Variants in EPB41L3 observed in about 807,000 individuals in gnomAD.
EPB41L3 encodes band 4.1-like protein 3.
Under a neutral mutation model 127.1 loss-of-function variants are expected in EPB41L3, and 57 were observed. The ratio of observed to expected loss-of-function variants is 0.45; its 90% CI spans 0.36 to 0.56. The LOEUF is 0.56. EPB41L3 is among the 20% of genes least tolerant of loss of function. The probability of loss-of-function intolerance (pLI) is 0.00; values close to 1 mark genes in which losing one functional copy is unlikely to be tolerated. For synonymous variants in EPB41L3, 572 were observed against 549.5 expected, an observed-to-expected ratio of 1.04 and a Z score of -0.57; for missense variants, 1,273 against 1,372.2, an observed-to-expected ratio of 0.93 and a Z score of 1.14.
intron 3 of EPB41L3, among the ~76,000 whole-genome samples, chr18:5,450,050 G>A (rs2082074237): frequency 6.6e-6 from 1 of 152,088 alleles, no homozygotes; most frequent in Non-Finnish European, 1.5e-5. Context: ...TGAAACCGTG[G>A]AAAACAGAAT....
At chr18:5,548,295 T>G (rs1312119882), upstream of EPB41L3, among the ~76,000 whole-genome samples, 1 of 152,242 alleles carries the variant, frequency 6.6e-6, no homozygotes, top group Non-Finnish European at 1.5e-5. Context: ...AGAATAGCTT[T>G]AAGTTTACAG....
chr18:5,477,429 G>A (rs575961012), intron 3 of EPB41L3, among the ~76,000 whole-genome samples: 1 of 152,290 alleles, frequency 6.6e-6, no homozygotes, highest in African/African-American at 2.4e-5. Flanking sequence ...TATGACAAGG[G>A]CAGGAGCTGG....
chr18:5,465,320 T>G (rs2084764173), intron 3 of EPB41L3, among the ~76,000 whole-genome samples: 1 of 152,172 alleles, frequency 6.6e-6, no homozygotes, highest in Non-Finnish European at 1.5e-5. Flanking sequence ...AAAACACAAA[T>G]ACTATTCTTT....
intron 1 of EPB41L3, among the ~76,000 whole-genome samples, chr18:5,505,802 C>CT: frequency 7.6e-6 from 1 of 131,334 alleles, no homozygotes; most frequent in East Asian, 2.5e-4. Context: ...ACCTTCACCT[C>CT]CACCCCTTCC....
chr18:5,613,294 C>T (rs766929794), intron 2 of EPB41L3, among the ~76,000 whole-genome samples: 3 of 152,090 alleles, frequency 2.0e-5, no homozygotes, highest in Non-Finnish European at 4.4e-5. Flanking sequence ...AAAAATGATG[C>T]CCATAAAAGA....
chr18:5,442,344 T>C (rs1044919818), intron 5 of EPB41L3, among the ~76,000 whole-genome samples: 15 of 152,308 alleles, frequency 9.8e-5, no homozygotes, highest in African/African-American at 1.2e-4. Context: ...TTCTGGGTAG[T>C]GGATACATCA....
intron 3 of EPB41L3, among the ~76,000 whole-genome samples, chr18:5,572,641 G>A (rs1470360414): frequency 1.2e-4 from 19 of 152,172 alleles, no homozygotes; most frequent in Admixed American, 8.5e-4. Context: ...TGGTGTCATC[G>A]TGGCTCACCG....
intron 2 of EPB41L3, among the ~76,000 whole-genome samples, chr18:5,484,187 G>A (rs974000158): frequency 8.0e-5 from 10 of 124,760 alleles, no homozygotes; most frequent in Non-Finnish European, 1.7e-4. Flanking sequence ...AAATCAGTAA[G>A]AGGAACCTCA....
chr18:5,410,643 G>A, intron 13 of EPB41L3, 24 bp from the exon 14 acceptor site: 1 of 1,606,926 alleles, frequency 6.2e-7, no homozygotes, highest in Admixed American at 1.7e-5. Context: ...AAGTGATCAG[G>A]TTCCAGGAGG....
At chr18:5,488,607 A>ATAATAATAATAATAATAAT (rs2090180215) in intron 2 of EPB41L3, among the ~76,000 whole-genome samples, 1 of 151,826 alleles carries the variant, frequency 6.6e-6, no homozygotes, top group Non-Finnish European at 1.5e-5. Flanking sequence ...AATAATAATA[A>ATAATAATAATAATAATAAT]AAGCAGATCT....
At chr18:5,481,824 A>T (rs888567780) in intron 2 of EPB41L3, among the ~76,000 whole-genome samples, 10 of 152,202 alleles carry the variant, frequency 6.6e-5, no homozygotes, top group Non-Finnish European at 1.2e-4. Context: ...CGCTTACGAG[A>T]GCCAAGGTGA....
At chr18:5,431,955 T>C (rs2079063315) in intron 8 of EPB41L3, among the ~76,000 whole-genome samples, 2 of 152,180 alleles carry the variant, frequency 1.3e-5, no homozygotes, top group Admixed American at 1.3e-4. Context: ...CCTGCTGTTG[T>C]AATTATACAC....
intron 3 of EPB41L3, among the ~76,000 whole-genome samples, chr18:5,564,831 G>A (rs1313891324): frequency 2.6e-5 from 4 of 152,062 alleles, no homozygotes; most frequent in Non-Finnish European, 5.9e-5. Context: ...GCTCGATGAA[G>A]GCTTGTGTAT....
chr18:5,627,045 T>C (rs900169508), intron 1 of EPB41L3, among the ~76,000 whole-genome samples: 5 of 152,158 alleles, frequency 3.3e-5, no homozygotes, highest in African/African-American at 7.2e-5. Context: ...AAGGGAAAGC[T>C]ATGCAGGCTG....
In EPB41L3 at chr18:5,618,366, C is replaced by T. The variant is rs541844663; in HGVS notation, c.-467-3943G>A. 7.2e-5 allele frequency among the ~76,000 whole-genome samples: 11 copies of T among 152,252 alleles called. No individual in the cohort carries two copies. The South Asian group carries it at 2.3e-3, about 32-fold the overall frequency. On this transcript the variant is annotated intron_variant, in intron 1 of 21. Transcript: ENST00000545076. Reference sequence around the variant, plus strand: ...AATATTCAGAAAGAGAGTGCCAATACCTCCCAAAATATGAGATAAACATGC... The same window carrying T: ...AATATTCAGAAAGAGAGTGCCAATATCTCCCAAAATATGAGATAAACATGC...
intron 12 of EPB41L3, among the ~76,000 whole-genome samples, chr18:5,416,694 C>G (rs934777639): frequency 3.9e-5 from 6 of 152,166 alleles, no homozygotes; most frequent in African/African-American, 1.4e-4. Context: ...AGACTAACAA[C>G]TCTAGAAAGT....
upstream of EPB41L3, among the ~76,000 whole-genome samples, chr18:5,547,618 A>G (rs550579726): frequency 4.1e-4 from 62 of 152,310 alleles, no homozygotes; most frequent in African/African-American, 1.2e-3. Context: ...GTCACCAGCT[A>G]TCAAGAATTC....
intron 13 of EPB41L3, among the ~76,000 whole-genome samples, chr18:5,412,020 G>A (rs952769641): frequency 2.0e-5 from 3 of 152,178 alleles, no homozygotes; most frequent in Non-Finnish European, 4.4e-5. Flanking sequence ...CTGGGGGCAG[G>A]AGGTGGCTGT....
At chr18:5,428,218 C>T in intron 9 of EPB41L3, 95 bp downstream of exon 9, 2 of 1,454,142 alleles carry the variant, frequency 1.4e-6, no homozygotes, top group Admixed American at 3.7e-5. Flanking sequence ...CACTGTGTCC[C>T]ACAATGCTCA....
Sources: gnomAD v4.1 joint callset for allele counts (sites outside exome capture counted in the v4.1 genomes callset) on GRCh38, gnomAD v4.1.1 for gene constraint, MANE v1.5 for transcripts, NCBI Gene and HGNC (gene_info 2026-07-23, HGNC 2026-07-21) for gene names.